DENND11: variants seen among roughly 807,000 people sequenced by gnomAD.
DENND11 encodes the protein DENN domain containing 11, also known as DENN domain-containing protein 11.
Under a neutral mutation model 49.2 loss-of-function variants are expected in DENND11, and 34 were observed. The ratio of observed to expected loss-of-function variants is 0.69; its 90% CI spans 0.53 to 0.92. DENND11 has a LOEUF of 0.92. Ranked by LOEUF, DENND11 falls within the 40% of genes least tolerant of loss-of-function variation. The pLI is 0.00. For missense variants in DENND11, 475 were observed against 581.6 expected (o/e 0.82, Z 1.88); for synonymous variants, 238 against 230.3 (o/e 1.03, Z -0.30).
Position 141,664,951 on chromosome 7 carries a change from C to G in DENND11, c.1056G>C (p.Lys352Asn). 6.2e-7 allele frequency: 1 copy of G among 1,613,596 alleles called. No individual in the cohort carries two copies. The highest frequency in any genetic ancestry group is 8.5e-7 in the Non-Finnish European group (1 of 1,179,708). ...ACTTCTCCCTGTCAGCACTGTTGAT[C>G]TTCAGCAGCGGCTGCAGGTGGTCGT... is the stretch of plus-strand genomic sequence containing the variant. Reference protein sequence around the residue: ...THHDHLQPLLKINSADREKYR... With the variant: ...THHDHLQPLLNINSADREKYR... Residue 352 changes from lysine (K) to asparagine (N), a missense_variant, in exon 7 of 9, where the codon AAG becomes AAC. Physicochemically the swap from Lys to Asn is moderately conservative, Grantham distance 94. Transcript: ENST00000536163.
chr7:141,676,229 A>G (rs1798058755), intron 3 of DENND11, among the ~76,000 whole-genome samples: 1 of 152,150 alleles, frequency 6.6e-6, no homozygotes, highest in East Asian at 1.9e-4. Flanking sequence ...TGTCAAGGGT[A>G]ATTTATATTT....
chr7:141,668,494 A>G (rs572883594), intron 4 of DENND11, among the ~76,000 whole-genome samples: 2 of 152,254 alleles, frequency 1.3e-5, no homozygotes, highest in Non-Finnish European at 2.9e-5. Context: ...GCTGAGGCAG[A>G]AGAATTGCTT....
At chr7:141,695,302 A>C (rs1257540892) in intron 1 of DENND11, among the ~76,000 whole-genome samples, 4 of 152,238 alleles carry the variant, frequency 2.6e-5, no homozygotes, top group Non-Finnish European at 5.9e-5. Flanking sequence ...CTATTCTTTC[A>C]ACTTTTCAAA....
intron 5 of DENND11, 55 bp downstream of exon 5, chr7:141,666,232 A>G: frequency 1.3e-6 from 2 of 1,515,934 alleles, no homozygotes; most frequent in Non-Finnish European, 1.8e-6. Context: ...GAAAGACTCA[A>G]GCAGTTTCTG....
Position 141,702,028 on chromosome 7 carries a change from C to G in DENND11, c.126G>C (p.Pro42=). Residue 42 remains proline (P), a synonymous_variant, in exon 1 of 9, where the codon CCG becomes CCC. Transcript: ENST00000536163. Reference sequence around the variant, plus strand: ...CCCGCCTCCGGGGCGGCTCCGCGGCCGGCCGGGCGCCCCCGCCGCCGCCCC... The same window carrying G: ...CCCGCCTCCGGGGCGGCTCCGCGGCGGGCCGGGCGCCCCCGCCGCCGCCCC... The part of the protein sequence containing the change: ...WGRGGGGGAR[P]AAEPPRRREP... The G allele has an allele frequency of 9.6e-7, 1 of 1,041,846 alleles. No individual in the cohort carries two copies. The highest frequency in any genetic ancestry group is 1.2e-6 in the Non-Finnish European group (1 of 867,900). The allele number at this position is 1,041,846 out of a possible 1,614,324, so 64.5% of individuals were successfully genotyped here.
chr7:141,665,407 G>GATAGCCTGGAGCAGA, intron 5 of DENND11, 89 bp from the exon 6 acceptor site: 1 of 1,536,294 alleles, frequency 6.5e-7, no homozygotes, highest in Non-Finnish European at 8.8e-7. Context: ...CTCTGCTCCA[G>GATAGCCTGGAGCAGA]GCTATCTGGT....
chr7:141,693,154 A>G (rs1398104566), intron 1 of DENND11, among the ~76,000 whole-genome samples: 1 of 152,262 alleles, frequency 6.6e-6, no homozygotes. Flanking sequence ...AGAATTCATA[A>G]AACTCAACAA....
intron 4 of DENND11, among the ~76,000 whole-genome samples, chr7:141,669,669 T>A (rs1797947749): frequency 6.6e-6 from 1 of 152,088 alleles, no homozygotes; most frequent in Non-Finnish European, 1.5e-5. Context: ...ATATATATAT[T>A]ATTTTCCATA....
At position 141,662,855 on chromosome 7, in the gene DENND11, C is replaced by A; in HGVS notation, c.1173-4G>T. 6.5e-7 allele frequency: 1 copy of A among 1,532,768 alleles called. No individual in the cohort carries two copies. Among genetic ancestry groups the A allele is most frequent in the South Asian group, 1.3e-5 (1 of 79,908 alleles). The allele number at this position is 1,532,768 out of a possible 1,614,324, so 94.9% of individuals were successfully genotyped here. On this transcript the variant is annotated splice_polypyrimidine_tract_variant and splice_region_variant and intron_variant, in intron 8 of 8. Transcript: ENST00000536163. Reference sequence around the variant, plus strand: ...GTTGTTTTGTTCTAGGAAAAACCTGCATTTGGAAGACAAGACACAGGAAAG... The same window carrying A: ...GTTGTTTTGTTCTAGGAAAAACCTGAATTTGGAAGACAAGACACAGGAAAG...
intron 3 of DENND11, among the ~76,000 whole-genome samples, chr7:141,682,479 G>A (rs957787095): frequency 6.6e-6 from 1 of 152,220 alleles, no homozygotes; most frequent in Non-Finnish European, 1.5e-5. Context: ...TTGAGGACTT[G>A]ACAATGGAAT....
chr7:141,688,852 G>C (rs1457970058), intron 1 of DENND11, among the ~76,000 whole-genome samples: 1 of 152,148 alleles, frequency 6.6e-6, no homozygotes, highest in Non-Finnish European at 1.5e-5. Context: ...GCCCCTGCTT[G>C]GGCCTCTGTA....
chr7:141,676,831 G>A lies in DENND11; in HGVS notation c.528-2611C>T, dbSNP rs537403660. 1.8e-4 allele frequency among the ~76,000 whole-genome samples: 28 copies of A among 152,270 alleles called. 1 individual carries two copies. Among genetic ancestry groups the A allele is most frequent in the Admixed American group, 1.4e-3 (22 of 15,274 alleles). ...GCAGAAATTGAGAAACCACCACACC[G>A]AAATGCATGCCAAACCACCTATGGA... On this transcript the variant is annotated intron_variant, in intron 3 of 8. Coordinates refer to ENST00000536163, the MANE Select transcript of DENND11 (RefSeq NM_001080392.2).
At chr7:141,699,291 C>G (rs1043387974) in intron 1 of DENND11, among the ~76,000 whole-genome samples, 1 of 152,102 alleles carries the variant, frequency 6.6e-6, no homozygotes, top group African/African-American at 2.4e-5. Flanking sequence ...GGGCCTCACT[C>G]CACCGGAACC....
At position 141,674,117 on chromosome 7, in the gene DENND11, G is replaced by C. The variant is rs958478397; in HGVS notation, c.631C>G (p.Pro211Ala). The change falls in exon 4 of 9, where the codon CCT becomes GCT. Residue 211 changes from proline to alanine, a missense_variant. By Grantham distance (27) the Pro-to-Ala change is conservative. Coordinates refer to ENST00000536163, the MANE Select transcript of DENND11 (RefSeq NM_001080392.2). ...TGGATGGAAGGCAGCCAGTAGACAG[G>C]GGGCAGGCTGCTGCCTCTGCCGGGA... ...AGPGRGSSLP[P>A]VYWLPSIHRY... is the part of the protein sequence containing the mutation. 6.2e-6 allele frequency: 10 copies of C among 1,600,120 alleles called. No homozygotes were observed. The highest frequency in any genetic ancestry group is 3.3e-4 in the Middle Eastern group (2 of 6,040).
rs1464503156 is a variant in DENND11 at position 141,666,270 on chromosome 7, C to T, written c.820+17G>A. On this transcript the variant is annotated intron_variant, in intron 5 of 8. Transcript: ENST00000536163. The stretch of plus-strand genomic sequence containing the variant: ...CCAGGGATTTAAGCAGCACTCCTGA[C>T]TCTGGCTTCTGGTTACCTCTATAGC... 25 of 1,582,714 alleles carry T rather than the reference C, an allele frequency of 1.6e-5. No homozygotes were observed. Among genetic ancestry groups the T allele is most frequent in the Non-Finnish European group, 2.2e-5 (25 of 1,159,304 alleles).
chr7:141,680,402 C>T (rs1798130919), intron 3 of DENND11, among the ~76,000 whole-genome samples: 1 of 152,132 alleles, frequency 6.6e-6, no homozygotes. Context: ...GAGAAATGAA[C>T]TGTGATTACT....
chr7:141,674,526 G>C (rs765223983), intron 3 of DENND11, among the ~76,000 whole-genome samples: 7 of 152,166 alleles, frequency 4.6e-5, no homozygotes, highest in Non-Finnish European at 1.0e-4. Context: ...TATTGTTCTT[G>C]AGCAAGGTAC....
chr7:141,675,313 C>G (rs1228368829), intron 3 of DENND11, among the ~76,000 whole-genome samples: 2 of 152,200 alleles, frequency 1.3e-5, no homozygotes, highest in Non-Finnish European at 2.9e-5. Flanking sequence ...GGAACTCACA[C>G]TGCTGAGACC....
chr7:141,670,468 T>C (rs1008050100), intron 4 of DENND11, among the ~76,000 whole-genome samples: 7 of 152,294 alleles, frequency 4.6e-5, no homozygotes, highest in Middle Eastern at 6.8e-3. Context: ...AAAACCAACA[T>C]AGTATAACAA....
Sources: gnomAD v4.1 joint callset for allele counts (sites outside exome capture counted in the v4.1 genomes callset) on GRCh38, gnomAD v4.1.1 for gene constraint, MANE v1.5 for transcripts, NCBI Gene and HGNC (gene_info 2026-07-23, HGNC 2026-07-21) for gene names.